Variants in PIAS1 observed in about 807,000 individuals in gnomAD.
PIAS1 encodes protein inhibitor of activated STAT 1.
A neutral mutation model predicts 71.3 loss-of-function variants in PIAS1; 6 were observed. That is an observed-to-expected ratio of 0.08 (90% CI 0.05 to 0.17). The LOEUF is 0.17. PIAS1 is among the 10% of genes least tolerant of loss of function. PIAS1 has a pLI of 1.00. For missense variants in PIAS1, 555 were observed against 793.6 expected, an observed-to-expected ratio of 0.70 and a Z score of 3.61; for synonymous variants, 303 against 292.9, an observed-to-expected ratio of 1.03 and a Z score of -0.35.
intron 2 of PIAS1, among the ~76,000 whole-genome samples, chr15:68,088,330 C>T (rs2092304739): frequency 6.6e-6 from 1 of 151,556 alleles, no homozygotes; most frequent in Non-Finnish European, 1.5e-5. Context: ...CAGGGGCTTG[C>T]AGGAACCTAA....
intron 1 of PIAS1, among the ~76,000 whole-genome samples, chr15:68,071,900 A>G (rs890541434): frequency 1.3e-5 from 2 of 151,900 alleles, no homozygotes; most frequent in Non-Finnish European, 2.9e-5. Context: ...GTGAGCCATG[A>G]TCATGCTACT....
chr15:68,082,517 G>A (rs1473593783), intron 1 of PIAS1, among the ~76,000 whole-genome samples: 2 of 152,084 alleles, frequency 1.3e-5, no homozygotes, highest in Non-Finnish European at 2.9e-5. Context: ...TAAGCAAATG[G>A]AAAAATGGTG....
At chr15:68,153,470 C>T (rs2092863742) in intron 6 of PIAS1, 120 bp from the exon 7 acceptor site, 4 of 589,574 alleles carry the variant, frequency 6.8e-6, no homozygotes, top group Non-Finnish European at 1.2e-5. Context: ...CCTAAGACTG[C>T]TTGACACACA....
rs548215877 is a variant in PIAS1, at chr15:68,171,126, A to G, written c.1009-2606A>G. 7.2e-5 allele frequency among the ~76,000 whole-genome samples: 11 copies of G among 151,904 alleles called. No homozygotes were observed. The highest frequency in any genetic ancestry group is 2.1e-4 in the South Asian group (1 of 4,790). On this transcript the variant is annotated intron_variant, in intron 8 of 13. Coordinates refer to ENST00000249636, the MANE Select transcript of PIAS1 (RefSeq NM_016166.3). This position sits in a 1 kb window ranked among gnomAD's most constrained non-coding sequence, Gnocchi z 4.4. Reference sequence around the variant, plus strand: ...TTTACTTTTATTTTCTACTTTTTAAACTTTTTTGTTAAAAACAAAGACACA... The same window carrying G: ...TTTACTTTTATTTTCTACTTTTTAAGCTTTTTTGTTAAAAACAAAGACACA...
At chr15:68,112,272 A>AT (rs1209675745) in intron 2 of PIAS1, among the ~76,000 whole-genome samples, 6 of 152,040 alleles carry the variant, frequency 3.9e-5, no homozygotes, top group African/African-American at 9.7e-5. Context: ...TACATTATCA[A>AT]TTTTTTGCCT....
In PIAS1 at chr15:68,171,428, A is replaced by G. The variant is rs1305776516; in HGVS notation, c.1009-2304A>G. On this transcript the variant is annotated intron_variant, in intron 8 of 13. Transcript: ENST00000249636. The surrounding 1 kb of genome is among the most constrained non-coding windows in gnomAD (Gnocchi z 4.4). The stretch of plus-strand genomic sequence containing the variant: ...CAGAAACCAGTAACATGGCTGTCTT[A>G]ATTTGAAGACCTCTATCGTATATGC... Among the ~76,000 whole-genome samples the G allele has an allele frequency of 6.6e-6, 1 of 152,232 alleles. No homozygotes were observed. Among genetic ancestry groups the G allele is most frequent in the African/African-American group, 2.4e-5 (1 of 41,454 alleles).
At chr15:68,117,794 G>A (rs2092578616) in intron 2 of PIAS1, among the ~76,000 whole-genome samples, 1 of 152,188 alleles carries the variant, frequency 6.6e-6, no homozygotes, top group African/African-American at 2.4e-5. Flanking sequence ...TCTTGCGATT[G>A]TGAGTAGTGC....
rs189511307 is a variant in PIAS1, at chr15:68,143,022, C to G, written c.602+685C>G. On this transcript the variant is annotated intron_variant, in intron 4 of 13. Coordinates refer to ENST00000249636, the MANE Select transcript of PIAS1 (RefSeq NM_016166.3). ...AGCCCATTCATTTGTCTTAGAATATCTAAGAAATATTTTGTATTATTTCTC... is the reference window on the plus strand; with the variant it reads ...AGCCCATTCATTTGTCTTAGAATATGTAAGAAATATTTTGTATTATTTCTC... 1.1e-4 allele frequency among the ~76,000 whole-genome samples: 17 copies of G among 152,084 alleles called. No individual in the cohort carries two copies. In the East Asian group the frequency reaches 3.3e-3, roughly 29 times the overall value.
chr15:68,180,104 G>T (rs1043816179), intron 11 of PIAS1, among the ~76,000 whole-genome samples: 3 of 151,760 alleles, frequency 2.0e-5, no homozygotes, highest in Non-Finnish European at 4.4e-5. Context: ...CTTTGTTTTT[G>T]TTTTTGTTTT....
Position 68,187,535 on chromosome 15 carries a change from T to G in PIAS1, c.1663-7T>G, listed in dbSNP as rs775708100. On this transcript the variant is annotated splice_region_variant and splice_polypyrimidine_tract_variant and intron_variant, in intron 13 of 13. Transcript: ENST00000249636. This position sits in a 1 kb window ranked among gnomAD's most constrained non-coding sequence, Gnocchi z 5.3. ...ACATTTTTGTGTCTTTTGTTTCCCC[T>G]CCCTAGCATTACAACACCTCCTTGC... 5.0e-6 allele frequency: 8 copies of G among 1,610,226 alleles called. No homozygotes were observed. The highest frequency in any genetic ancestry group is 6.8e-6 in the Non-Finnish European group (8 of 1,176,960).
chr15:68,177,678 C>T (rs1452495133), intron 11 of PIAS1, among the ~76,000 whole-genome samples: 1 of 152,186 alleles, frequency 6.6e-6, no homozygotes, highest in Admixed American at 6.5e-5. Context: ...TAACCTTAAA[C>T]AGCTTAGCAC....
chr15:68,139,278 A>G (rs1039970641), intron 2 of PIAS1, among the ~76,000 whole-genome samples: 3 of 152,082 alleles, frequency 2.0e-5, no homozygotes, highest in Non-Finnish European at 2.9e-5. Flanking sequence ...TTACAATTAA[A>G]CTGTTCATCA....
chr15:68,167,203 G>GTT lies in PIAS1; in HGVS notation c.1008+2400_1008+2401insTT, dbSNP rs1362776900. Among the ~76,000 whole-genome samples the GTT allele has an allele frequency of 6.6e-6, 1 of 151,974 alleles. No individual in the cohort carries two copies. The highest frequency in any genetic ancestry group is 1.5e-5 in the Non-Finnish European group (1 of 67,980). ...CTATATATGTATATTGTGTGTGTGTGTGTGTGTGTGTATGTGTAAAATGTA... is the reference window on the plus strand; with the variant it reads ...CTATATATGTATATTGTGTGTGTGTGTTTGTGTGTGTGTATGTGTAAAATGTA... On this transcript the variant is annotated intron_variant, in intron 8 of 13. Coordinates refer to ENST00000249636, the MANE Select transcript of PIAS1 (RefSeq NM_016166.3). This position sits in a 1 kb window ranked among gnomAD's most constrained non-coding sequence, Gnocchi z 4.4.
Position 68,193,822 on chromosome 15 carries a change from C to A in PIAS1, c.*5987C>A, listed in dbSNP as rs1050418274. ...GGTAGTTAATAAAATCAATACAAAT[C>A]TTTTATTAAAGATCTACTCATACCA... On this transcript the variant is annotated 3_prime_UTR_variant, in exon 14 of 14. Transcript: ENST00000249636. 9.0e-6 allele frequency: 5 copies of A among 554,578 alleles called. No homozygotes were observed. The highest frequency in any genetic ancestry group is 5.7e-5 in the African/African-American group (3 of 53,062). The allele number at this position is 554,578 out of a possible 1,614,324, so 34.4% of individuals were successfully genotyped here. A position where few individuals can be genotyped will look rare whatever the true frequency, so the allele number is the denominator to read the frequency against.
chr15:68,120,527 A>G (rs923716745), intron 2 of PIAS1, among the ~76,000 whole-genome samples: 2 of 152,078 alleles, frequency 1.3e-5, no homozygotes, highest in Non-Finnish European at 2.9e-5. Flanking sequence ...TAGGTTTTGT[A>G]GTATACGTCT....
At chr15:68,105,123 T>G (rs1182837904) in intron 2 of PIAS1, among the ~76,000 whole-genome samples, 2 of 152,188 alleles carry the variant, frequency 1.3e-5, no homozygotes, top group Non-Finnish European at 2.9e-5. Flanking sequence ...TTTGCCACAT[T>G]GCAGTTTCAT....
At chr15:68,092,715 C>T (rs1697250288) in intron 2 of PIAS1, among the ~76,000 whole-genome samples, 1 of 151,954 alleles carries the variant, frequency 6.6e-6, no homozygotes, top group Non-Finnish European at 1.5e-5. Context: ...TTGTTTGCCC[C>T]CTTTCATTTG....
At chr15:68,073,315 C>G (rs991717206) in intron 1 of PIAS1, among the ~76,000 whole-genome samples, 4 of 152,128 alleles carry the variant, frequency 2.6e-5, no homozygotes, top group African/African-American at 9.7e-5. Flanking sequence ...CCGTGCCCGG[C>G]GAGGTTATAT....
At chr15:68,162,568 A>G (rs556324734) in intron 7 of PIAS1, among the ~76,000 whole-genome samples, 1 of 152,180 alleles carries the variant, frequency 6.6e-6, no homozygotes, top group Non-Finnish European at 1.5e-5. Context: ...AATGCCCACA[A>G]TAGATAGGCC....
Sources: allele counts gnomAD v4.1 joint callset (sites outside exome capture counted in the v4.1 genomes callset), GRCh38; gene constraint gnomAD v4.1.1; non-coding constraint Gnocchi (gnomAD v3.1); transcripts MANE v1.5; gene names NCBI Gene and HGNC (gene_info 2026-07-23, HGNC 2026-07-21).